The following CDH18 variants were observed in gnomAD, a reference collection of about 807,000 sequenced individuals.
CDH18 encodes the protein cadherin-18.
A neutral mutation model predicts 67.9 loss-of-function variants in CDH18; 31 were observed. The observed-to-expected ratio is 0.46, with a 90% confidence interval of 0.34 to 0.62. CDH18 has a LOEUF of 0.62. Among genes scored for constraint, CDH18 ranks in the 20% least tolerant of loss-of-function variants. The pLI is 0.01. For synonymous variants in CDH18, 362 were observed against 347.2 expected (o/e 1.04, Z -0.48); for missense variants, 890 against 975.5 (o/e 0.91, Z 1.17).
intron 1 of CDH18, chr5:20,304,362 T>C (rs552633523): frequency 1.3e-6 from 2 of 1,505,226 alleles, no homozygotes; most frequent in Admixed American, 1.7e-5. Flanking sequence ...TAAAATAGTT[T>C]ACACTTTTTG....
intron 1 of CDH18, among the ~76,000 whole-genome samples, chr5:20,361,198 A>T (rs944592257): frequency 6.6e-6 from 1 of 152,048 alleles, no homozygotes; most frequent in African/African-American, 2.4e-5. Context: ...GAATGATATC[A>T]GTCAAAAGAA....
intron 1 of CDH18, among the ~76,000 whole-genome samples, chr5:20,380,976 G>A (rs1178954235): frequency 2.0e-5 from 3 of 152,108 alleles, no homozygotes; most frequent in African/African-American, 7.2e-5. Context: ...TTGGAGACAG[G>A]ACCTTTAAAG....
chr5:20,194,229 G>A (rs925610254), intron 2 of CDH18, among the ~76,000 whole-genome samples: 1 of 152,046 alleles, frequency 6.6e-6, no homozygotes, highest in Non-Finnish European at 1.5e-5. Flanking sequence ...CATCATCTCA[G>A]CCCCAAAACT....
Position 20,502,340 on chromosome 5 carries a change from G to A in CDH18, c.-580+73122C>T, listed in dbSNP as rs371763016. On this transcript the variant is annotated intron_variant, in intron 1 of 14. Coordinates refer to the CDH18 transcript ENST00000507958. Reference sequence around the variant, plus strand: ...AGAGAAAATATAACACACTACCAGAGGTCAAGGTATATCAGCAGCAACCAA... The same window carrying A: ...AGAGAAAATATAACACACTACCAGAAGTCAAGGTATATCAGCAGCAACCAA... Among the ~76,000 whole-genome samples, 177 of 152,202 alleles carry A rather than the reference G, an allele frequency of 1.2e-3. 1 individual carries two copies. The highest frequency in any genetic ancestry group is 4.1e-3 in the African/African-American group (169 of 41,524).
chr5:19,777,295 A>C (rs2149766821), intron 3 of CDH18, among the ~76,000 whole-genome samples: 1 of 152,320 alleles, frequency 6.6e-6, no homozygotes, highest in Non-Finnish European at 1.5e-5. Context: ...ATAAAAGAAA[A>C]AAGAAAATGC....
chr5:19,877,512 G>A (rs1223130475), intron 2 of CDH18, among the ~76,000 whole-genome samples: 6 of 152,144 alleles, frequency 3.9e-5, no homozygotes. Flanking sequence ...TTCACAGCAT[G>A]TGCACATGAA....
chr5:19,884,676 T>C (rs931408644), intron 2 of CDH18, among the ~76,000 whole-genome samples: 6 of 152,032 alleles, frequency 3.9e-5, no homozygotes, highest in Admixed American at 1.3e-4. Context: ...TTTTAAATAC[T>C]TGTAACAATC....
intron 2 of CDH18, among the ~76,000 whole-genome samples, chr5:19,857,958 G>T (rs1442686402): frequency 1.3e-5 from 2 of 152,106 alleles, no homozygotes; most frequent in Non-Finnish European, 2.9e-5. Flanking sequence ...AATATTAAGT[G>T]GTATGATATT....
At chr5:19,755,427 G>GTATA (rs1373982305) in intron 3 of CDH18, among the ~76,000 whole-genome samples, 848 of 44,604 alleles carry the variant, frequency 0.019, 103 homozygotes, top group African/African-American at 0.045. Context: ...AACTAACAGG[G>GTATA]TATGTATATA....
intron 3 of CDH18, among the ~76,000 whole-genome samples, chr5:19,762,912 G>A (rs1459039785): frequency 6.6e-6 from 1 of 152,138 alleles, no homozygotes; most frequent in Non-Finnish European, 1.5e-5. Context: ...GGAATACTAT[G>A]CAACCATAAA....
intron 6 of CDH18, among the ~76,000 whole-genome samples, chr5:19,608,095 G>T (rs151245507): frequency 2.2e-4 from 34 of 151,450 alleles, no homozygotes; most frequent in Admixed American, 2.2e-3. Context: ...TAACAGACGA[G>T]CAAAAATTCT....
rs72743069 is a variant in CDH18, at chr5:20,221,741, T to A, written c.-518+33703A>T. On this transcript the variant is annotated intron_variant, in intron 2 of 14. Transcript: ENST00000507958. ...GTATCTCATGTATCTCATAAACATA[T>A]ACATCTACTATGTCCCCACAAAAAT... Among the ~76,000 whole-genome samples, 956 of 152,178 alleles carry A rather than the reference T, an allele frequency of 6.3e-3. 27 individuals carry two copies. The highest frequency in any genetic ancestry group is 0.038 in the Admixed American group (577 of 15,240).
rs555986197 is a variant in CDH18 at position 19,965,900 on chromosome 5, T to TA, written c.-257+15159dup. Among the ~76,000 whole-genome samples, 807 of 152,276 alleles carry TA rather than the reference T, an allele frequency of 5.3e-3. 2 individuals are homozygous for TA. Among genetic ancestry groups the TA allele is most frequent in the Non-Finnish European group, 7.8e-3 (528 of 68,020 alleles). On this transcript the variant is annotated intron_variant, in intron 2 of 12. Transcript: ENST00000382275. ...CAGCTACCTCTCTCCCAGCGACACT[T>TA]ACATGACAGAGACAGTGTGCATGCA...
chr5:19,570,536 CTATT>C (rs1741214826), intron 8 of CDH18, among the ~76,000 whole-genome samples: 2 of 152,020 alleles, frequency 1.3e-5, no homozygotes, highest in Admixed American at 1.3e-4. Context: ...ACTGAGGAGA[CTATT>C]TAGTATATTA....
chr5:20,392,966 C>G (rs1300564935), intron 1 of CDH18, among the ~76,000 whole-genome samples: 2 of 151,598 alleles, frequency 1.3e-5, no homozygotes, highest in Non-Finnish European at 3.0e-5. Flanking sequence ...TTCAACAAAT[C>G]CAGCAATAGG....
chr5:20,002,610 A>G (rs1053398646), intron 2 of CDH18, among the ~76,000 whole-genome samples: 4 of 152,218 alleles, frequency 2.6e-5, no homozygotes, highest in African/African-American at 9.6e-5. Flanking sequence ...GTACATATAT[A>G]TAACATATTT....
chr5:19,827,592 A>G (rs904502906), intron 3 of CDH18, among the ~76,000 whole-genome samples: 2 of 152,208 alleles, frequency 1.3e-5, no homozygotes, highest in African/African-American at 4.8e-5. Flanking sequence ...AAAATTGCTC[A>G]AAATCATACA....
intron 1 of CDH18, among the ~76,000 whole-genome samples, chr5:20,445,789 A>G (rs997332851): frequency 6.6e-6 from 1 of 152,192 alleles, no homozygotes; most frequent in African/African-American, 2.4e-5. Flanking sequence ...TGGGCCAACA[A>G]TCTCAGTTCT....
intron 2 of CDH18, among the ~76,000 whole-genome samples, chr5:20,093,222 C>A (rs527522544): frequency 2.4e-4 from 37 of 151,938 alleles, no homozygotes; most frequent in Admixed American, 1.3e-4. Context: ...CACATACACA[C>A]ACACATAAAC....
Sources: gnomAD v4.1 joint callset for allele counts (sites outside exome capture counted in the v4.1 genomes callset) on GRCh38, gnomAD v4.1.1 for gene constraint, MANE v1.5 for transcripts, NCBI Gene and HGNC (gene_info 2026-07-23, HGNC 2026-07-21) for gene names.